The following VRTN variants were observed in gnomAD, a reference collection of about 807,000 sequenced individuals.
VRTN encodes vertebrae development associated, also known as vertnin.
VRTN carries 5 observed loss-of-function variants against 18.2 expected under a neutral mutation model. The ratio of observed to expected loss-of-function variants is 0.27; its 90% CI spans 0.14 to 0.58. The LOEUF is 0.58. VRTN is among the 20% of genes least tolerant of loss of function. VRTN has a pLI of 0.91. For synonymous variants in VRTN, 381 were observed against 393.7 expected (o/e 0.97, Z 0.38); for missense variants, 741 against 939.4 (o/e 0.79, Z 2.76).
chr14:74,336,643 G>A (rs4899508), intron 1 of VRTN, among the ~76,000 whole-genome samples: 27,062 of 152,006 alleles, frequency 0.18, 3,133 homozygotes, highest in East Asian at 0.49. Flanking sequence ...CACATCAGTA[G>A]TGGGTAATAT....
intron 1 of VRTN, 125 bp from the exon 2 acceptor site, chr14:74,356,658 G>C: frequency 1.5e-6 from 2 of 1,297,232 alleles, no homozygotes; most frequent in Admixed American, 5.7e-5. Flanking sequence ...CGTCTGTTGT[G>C]GGAGGACGGG....
chr14:74,343,803 A>T (rs1184491520), upstream of VRTN, among the ~76,000 whole-genome samples: 1 of 148,382 alleles, frequency 6.7e-6, no homozygotes, highest in African/African-American at 2.5e-5. Flanking sequence ...CATCGCATTA[A>T]TTTTTTTTTT....
intron 1 of VRTN, among the ~76,000 whole-genome samples, chr14:74,332,782 C>T (rs974169308): frequency 2.1e-4 from 32 of 152,114 alleles, no homozygotes; most frequent in African/African-American, 7.0e-4. Flanking sequence ...TTCTTGAGCA[C>T]CCACTTGGAC....
In VRTN at chr14:74,332,643, C is replaced by T. The variant is rs2085535502; in HGVS notation, c.-163-5080C>T. 2.0e-5 allele frequency among the ~76,000 whole-genome samples: 3 copies of T among 152,152 alleles called. No individual in the cohort carries two copies. The South Asian group carries it at 6.2e-4, about 32-fold the overall frequency. ...AAGTGCTGGGATTACAGGCGTGACACCATGCCTGGCCTCCTAATCTATTTT... is the reference window on the plus strand; with the variant it reads ...AAGTGCTGGGATTACAGGCGTGACATCATGCCTGGCCTCCTAATCTATTTT... On this transcript the variant is annotated intron_variant, in intron 1 of 2. Transcript: ENST00000557177.
upstream of VRTN, chr14:74,348,331 G>A (rs142716069): frequency 5.3e-4 from 81 of 152,332 alleles, no homozygotes; most frequent in African/African-American, 1.9e-3. Context: ...CCCCCAGCTG[G>A]GGAGAGTGGA....
At chr14:74,303,842 GAT>G (rs1567032018) in intron 1 of VRTN, among the ~76,000 whole-genome samples, 4 of 120,870 alleles carry the variant, frequency 3.3e-5, no homozygotes, top group African/African-American at 1.6e-4. Flanking sequence ...GACAATTACA[GAT>G]TTTTTTTTTT....
rs1185534627 is a variant in VRTN, at chr14:74,358,921, A to G, written c.*29A>G. The G allele has an allele frequency of 6.3e-7, 1 of 1,581,436 alleles. No homozygotes were observed. Among genetic ancestry groups the G allele is most frequent in the Non-Finnish European group, 8.6e-7 (1 of 1,163,016 alleles). ...GGAGGTACAAAAGGGGCTGGGAAGA[A>G]GGGGGACCAGTTTGGAGAGGGTCAG... On this transcript the variant is annotated 3_prime_UTR_variant, in exon 2 of 2. Coordinates refer to ENST00000256362, the MANE Select transcript of VRTN (RefSeq NM_018228.3). The surrounding 1 kb of genome is among the most constrained non-coding windows in gnomAD (Gnocchi z 5.4).
chr14:74,305,466 G>C, intron 1 of VRTN: 1 of 201,830 alleles, frequency 5.0e-6, no homozygotes. Flanking sequence ...TCTTCTGGCA[G>C]CGGTTCTGAC....
chr14:74,314,805 G>A (rs546542634), intron 1 of VRTN, among the ~76,000 whole-genome samples: 1 of 152,268 alleles, frequency 6.6e-6, no homozygotes, highest in African/African-American at 2.4e-5. Flanking sequence ...GACTGAGTGG[G>A]GAAACCCAGC....
chr14:74,317,484 T>A (rs1036926701), intron 1 of VRTN, among the ~76,000 whole-genome samples: 1 of 152,276 alleles, frequency 6.6e-6, no homozygotes, highest in Non-Finnish European at 1.5e-5. Flanking sequence ...CAACTCCCCA[T>A]GACAAATAAT....
chr14:74,349,227 CCCAAAGGCTTGGCTGCCACCAG>C (rs1406197069), intron 1 of VRTN, among the ~76,000 whole-genome samples: 3 of 152,326 alleles, frequency 2.0e-5, no homozygotes, highest in Non-Finnish European at 4.4e-5. Context: ...GAAGTCACAG[CCCAAAGGCTTGGCTGCCACCAG>C]CCAACCCTGG....
intron 1 of VRTN, among the ~76,000 whole-genome samples, chr14:74,332,234 T>C (rs2085530777): frequency 6.8e-6 from 1 of 147,528 alleles, no homozygotes; most frequent in African/African-American, 2.5e-5. Context: ...CATTTCCTCC[T>C]CCCTCAAAGC....
intron 1 of VRTN, among the ~76,000 whole-genome samples, chr14:74,352,575 A>G (rs1380466681): frequency 6.6e-6 from 1 of 151,822 alleles, no homozygotes; most frequent in Non-Finnish European, 1.5e-5. Flanking sequence ...CTTTTTGGGG[A>G]CAGTCTCCTC....
At chr14:74,310,475 G>A (rs1595161535) in intron 1 of VRTN, among the ~76,000 whole-genome samples, 1 of 150,528 alleles carries the variant, frequency 6.6e-6, no homozygotes, top group African/African-American at 2.4e-5. Flanking sequence ...GATTGCATGG[G>A]TTCAAATCCC....
At chr14:74,330,336 G>A (rs2085513470) in intron 1 of VRTN, among the ~76,000 whole-genome samples, 1 of 152,034 alleles carries the variant, frequency 6.6e-6, no homozygotes, top group African/African-American at 2.4e-5. Flanking sequence ...TACTTGCCCT[G>A]CTCTTTCTGG....
intron 1 of VRTN, among the ~76,000 whole-genome samples, chr14:74,356,413 C>T (rs540075343): frequency 6.6e-6 from 1 of 152,060 alleles, no homozygotes; most frequent in South Asian, 2.1e-4. Context: ...CGAACTCCTG[C>T]CCTCAAGTGA....
In VRTN at chr14:74,358,364, C is replaced by T; in HGVS notation, c.1581C>T (p.Cys527=). ...RQVLSGHLPF[C]RFRLRYPSLS... ...TGCTGAGTGGGCATCTCCCTTTCTG[C>T]CGCTTCCGCCTCCGCTACCCCAGCC... The change falls in exon 2 of 2, where the codon TGC becomes TGT. Residue 527 remains cysteine (C), a synonymous_variant. Transcript: ENST00000256362. This position sits in a 1 kb window ranked among gnomAD's most constrained non-coding sequence, Gnocchi z 5.4. 1 of 1,613,732 alleles carries T rather than the reference C, an allele frequency of 6.2e-7. No homozygotes were observed. The highest frequency in any genetic ancestry group is 1.3e-5 in the African/African-American group (1 of 75,074).
chr14:74,310,180 C>T (rs1248260356), intron 1 of VRTN, among the ~76,000 whole-genome samples: 1 of 152,096 alleles, frequency 6.6e-6, no homozygotes, highest in Non-Finnish European at 1.5e-5. Context: ...GGTGGATCAC[C>T]TGAGGTTGGG....
At chr14:74,345,346 ATTTTTT>A (rs34124259), upstream of VRTN, among the ~76,000 whole-genome samples, 170 of 94,646 alleles carry the variant, frequency 1.8e-3, no homozygotes, top group African/African-American at 7.4e-3. Context: ...CACCCTGCCT[ATTTTTT>A]TTTTTTTTTT....
Sources: allele counts gnomAD v4.1 joint callset (sites outside exome capture counted in the v4.1 genomes callset), GRCh38; gene constraint gnomAD v4.1.1; non-coding constraint Gnocchi (gnomAD v3.1); transcripts MANE v1.5; gene names NCBI Gene and HGNC (gene_info 2026-07-23, HGNC 2026-07-21).